Variants in PCED1B observed in about 807,000 individuals in gnomAD.
PCED1B encodes PC-esterase domain-containing protein 1B.
For missense variants in PCED1B, 573 were observed against 573.9 expected, an observed-to-expected ratio of 1.00 and a Z score of 0.02; for synonymous variants, 251 against 246.1, an observed-to-expected ratio of 1.02 and a Z score of -0.19.
chr12:47,170,183 G>A (rs1254517160), intron 2 of PCED1B, among the ~76,000 whole-genome samples: 1 of 152,112 alleles, frequency 6.6e-6, no homozygotes, highest in Non-Finnish European at 1.5e-5. Context: ...AGTGGACACA[G>A]CACATGTTTC....
At chr12:47,181,000 CT>C (rs60972537) in intron 2 of PCED1B, among the ~76,000 whole-genome samples, 65,613 of 146,936 alleles carry the variant, frequency 0.45, 15,442 homozygotes, top group African/African-American at 0.63. Flanking sequence ...CTTTTTCTTT[CT>C]TTTTTTTTTT....
intron 2 of PCED1B, among the ~76,000 whole-genome samples, chr12:47,170,400 G>T (rs1941687521): frequency 6.6e-6 from 1 of 152,210 alleles, no homozygotes; most frequent in Non-Finnish European, 1.5e-5. Context: ...TCAATGAGCT[G>T]TTGGGTACAC....
intron 1 of PCED1B, among the ~76,000 whole-genome samples, chr12:47,084,782 A>C (rs1419583942): frequency 1.3e-5 from 2 of 152,240 alleles, no homozygotes; most frequent in African/African-American, 4.8e-5. Context: ...GTGATTGCAG[A>C]AACCTACCAA....
At chr12:47,158,937 T>C (rs574892254) in intron 2 of PCED1B, among the ~76,000 whole-genome samples, 2 of 152,282 alleles carry the variant, frequency 1.3e-5, no homozygotes, top group East Asian at 3.9e-4. Context: ...GCCTCTGTTA[T>C]CTTTCTACTC....
chr12:47,187,318 A>G (rs939447426), intron 2 of PCED1B, among the ~76,000 whole-genome samples: 14 of 152,168 alleles, frequency 9.2e-5, no homozygotes, highest in Non-Finnish European at 1.6e-4. Flanking sequence ...TGGGTGGTAA[A>G]TGTAGTGAAA....
chr12:47,234,237 C>T lies in PCED1B; in HGVS notation c.-57-770C>T, dbSNP rs541442415. Among the ~76,000 whole-genome samples, 3 of 152,330 alleles carry T rather than the reference C, an allele frequency of 2.0e-5. No homozygotes were observed. In the South Asian group the frequency reaches 6.2e-4, roughly 32 times the overall value. ...TCCCGACCTCGGGTGATCCACCCTCCTCGGCCTCCCAAAGTGCTGGGATTA... is the reference window on the plus strand; with the variant it reads ...TCCCGACCTCGGGTGATCCACCCTCTTCGGCCTCCCAAAGTGCTGGGATTA... On this transcript the variant is annotated intron_variant, in intron 3 of 3. Transcript: ENST00000546455.
At chr12:47,138,644 T>C (rs1410280703) in intron 2 of PCED1B, among the ~76,000 whole-genome samples, 1 of 152,204 alleles carries the variant, frequency 6.6e-6, no homozygotes, top group Non-Finnish European at 1.5e-5. Context: ...TTGTGTACAA[T>C]GCCTTGAATG....
chr12:47,196,566 G>A (rs200432469), intron 2 of PCED1B, among the ~76,000 whole-genome samples: 29 of 152,328 alleles, frequency 1.9e-4, no homozygotes, highest in Admixed American at 1.9e-3. Flanking sequence ...CGTGGCTCAC[G>A]CCTGTAATCC....
intron 2 of PCED1B, among the ~76,000 whole-genome samples, chr12:47,189,502 T>C (rs985827431): frequency 6.6e-6 from 1 of 152,228 alleles, no homozygotes; most frequent in East Asian, 1.9e-4. Context: ...GGCCGCTAAA[T>C]AAATGAATGA....
chr12:47,233,971 T>G (rs181215807), intron 3 of PCED1B, among the ~76,000 whole-genome samples: 46 of 151,736 alleles, frequency 3.0e-4, no homozygotes, highest in South Asian at 2.3e-3. Context: ...TTTTTAGGGG[T>G]TTTTTTTGTT....
intron 2 of PCED1B, among the ~76,000 whole-genome samples, chr12:47,215,054 T>A (rs577442262): frequency 6.6e-6 from 1 of 151,462 alleles, no homozygotes; most frequent in Non-Finnish European, 1.5e-5. Flanking sequence ...TATATTCTGA[T>A]CTTCTGTAGT....
chr12:47,205,456 C>T (rs1592281255), intron 2 of PCED1B, among the ~76,000 whole-genome samples: 1 of 152,110 alleles, frequency 6.6e-6, no homozygotes, highest in African/African-American at 2.4e-5. Context: ...CTTGCAAAGA[C>T]AGTGTAGTCT....
intron 2 of PCED1B, among the ~76,000 whole-genome samples, chr12:47,123,521 A>C (rs1229435586): frequency 1.3e-5 from 2 of 152,120 alleles, no homozygotes; most frequent in Non-Finnish European, 2.9e-5. Flanking sequence ...AGTTTCATAG[A>C]ATCAACAAAA....
intron 2 of PCED1B, among the ~76,000 whole-genome samples, chr12:47,145,788 C>T (rs552234595): frequency 5.2e-4 from 79 of 152,318 alleles, no homozygotes; most frequent in African/African-American, 1.3e-3. Context: ...TGACAATTCA[C>T]CTACTCACTC....
intron 2 of PCED1B, among the ~76,000 whole-genome samples, chr12:47,117,951 A>G (rs1280958867): frequency 6.6e-6 from 1 of 152,190 alleles, no homozygotes; most frequent in Non-Finnish European, 1.5e-5. Context: ...ATGGCTTGTG[A>G]TGATGAGCAT....
intron 2 of PCED1B, among the ~76,000 whole-genome samples, chr12:47,162,040 A>G (rs143018640): frequency 1.7e-4 from 26 of 150,776 alleles, no homozygotes; most frequent in African/African-American, 6.1e-4. Flanking sequence ...GCATGTTCTC[A>G]CTCATAGGTT....
At chr12:47,210,401 T>G (rs761544757) in intron 2 of PCED1B, 3 of 152,222 alleles carry the variant, frequency 2.0e-5, no homozygotes, top group Non-Finnish European at 4.4e-5. Context: ...GACTTACAAT[T>G]ACAGATTAAT....
At chr12:47,176,043 G>T (rs374502376) in intron 2 of PCED1B, among the ~76,000 whole-genome samples, 8 of 151,468 alleles carry the variant, frequency 5.3e-5, no homozygotes, top group African/African-American at 1.7e-4. Context: ...TTTAATACTG[G>T]CATGCCCTAG....
intron 1 of PCED1B, among the ~76,000 whole-genome samples, chr12:47,088,161 A>AAG (rs1938077919): frequency 6.6e-6 from 1 of 152,222 alleles, no homozygotes; most frequent in African/African-American, 2.4e-5. Flanking sequence ...AAAGCTGTAA[A>AAG]AGAGTACTTG....
Sources: gnomAD v4.1 joint callset for allele counts (sites outside exome capture counted in the v4.1 genomes callset) on GRCh38, gnomAD v4.1.1 for gene constraint, MANE v1.5 for transcripts, NCBI Gene and HGNC (gene_info 2026-07-23, HGNC 2026-07-21) for gene names.